BANP: variants seen among roughly 807,000 people sequenced by gnomAD.
BANP encodes BTG3 associated nuclear protein.
A neutral mutation model predicts 68.1 loss-of-function variants in BANP; 11 were observed. The ratio of observed to expected loss-of-function variants is 0.16; its 90% CI spans 0.10 to 0.27. The LOEUF is 0.27. Among genes scored for constraint, BANP ranks in the 10% least tolerant of loss-of-function variants. The pLI is 1.00. For synonymous variants in BANP, 329 were observed against 303.2 expected (o/e 1.09, Z -0.88); for missense variants, 504 against 722.7 (o/e 0.70, Z 3.47).
chr16:88,073,715 G>A (rs1456988444), intron 13 of BANP, among the ~76,000 whole-genome samples: 1 of 152,218 alleles, frequency 6.6e-6, no homozygotes, highest in Non-Finnish European at 1.5e-5. Flanking sequence ...CGCTGCAGGA[G>A]GGCAGTGAGG....
intron 11 of BANP, among the ~76,000 whole-genome samples, chr16:88,048,051 G>T (rs1028127888): frequency 5.9e-5 from 9 of 152,196 alleles, no homozygotes; most frequent in Admixed American, 2.0e-4. Context: ...GAGCACCAAG[G>T]CCTGCTGGGC....
At chr16:88,033,423 A>G (rs1184168811) in intron 9 of BANP, among the ~76,000 whole-genome samples, 178 bp downstream of exon 9, 4 of 152,180 alleles carry the variant, frequency 2.6e-5, no homozygotes, top group Non-Finnish European at 5.9e-5. Flanking sequence ...TTAACATTTC[A>G]CAGGTGGGGG....
At chr16:88,014,342 C>T (rs922113363) in intron 6 of BANP, among the ~76,000 whole-genome samples, 10 of 151,906 alleles carry the variant, frequency 6.6e-5, no homozygotes, top group African/African-American at 2.4e-4. Context: ...AGCGGCTGCC[C>T]CGACACTGCC....
At chr16:88,017,944 C>T (rs1275326922) in intron 6 of BANP, among the ~76,000 whole-genome samples, 8 of 151,962 alleles carry the variant, frequency 5.3e-5, no homozygotes, top group Non-Finnish European at 1.0e-4. Context: ...TGCACGGGGG[C>T]GACGCCAGGC....
chr16:87,997,349 C>G (rs904221838), intron 4 of BANP, among the ~76,000 whole-genome samples: 69 of 152,272 alleles, frequency 4.5e-4, no homozygotes, highest in African/African-American at 1.6e-3. Context: ...GAAATAGGAT[C>G]ATTGCTGTTC....
chr16:87,982,839 T>G (rs573146447), intron 3 of BANP: 167 of 152,256 alleles, frequency 1.1e-3, no homozygotes, highest in African/African-American at 3.8e-3. Flanking sequence ...ACATGATGTA[T>G]GATATCACTG....
chr16:87,967,931 A>G (rs111811842), intron 1 of BANP, among the ~76,000 whole-genome samples: 3,037 of 146,982 alleles, frequency 0.021, 94 homozygotes, highest in African/African-American at 0.071. Context: ...TTTTTTTGGT[A>G]TTTTTAGTAA....
intron 2 of BANP, 184 bp from the exon 3 acceptor site, chr16:87,980,852 G>C: frequency 1.7e-6 from 1 of 572,778 alleles, no homozygotes; most frequent in South Asian, 2.0e-5. Flanking sequence ...GCTTTTCTTG[G>C]GATTAAGGAG....
intron 4 of BANP, among the ~76,000 whole-genome samples, chr16:87,997,297 T>TA (rs1210924910): frequency 6.6e-6 from 1 of 152,226 alleles, no homozygotes; most frequent in Admixed American, 6.5e-5. Context: ...GTAAAACAGT[T>TA]AAAAAACTCA....
At chr16:87,974,353 CTG>C (rs1243632968) in intron 1 of BANP, among the ~76,000 whole-genome samples, 2 of 152,206 alleles carry the variant, frequency 1.3e-5, no homozygotes, top group Non-Finnish European at 2.9e-5. Flanking sequence ...GTTTCAGACA[CTG>C]TGCGAGGCTC....
intron 2 of BANP, among the ~76,000 whole-genome samples, chr16:87,979,970 T>G (rs983110803): frequency 2.0e-5 from 3 of 152,106 alleles, no homozygotes; most frequent in African/African-American, 7.2e-5. Context: ...CGATTAATAT[T>G]AACCCAGAGT....
intron 4 of BANP, among the ~76,000 whole-genome samples, chr16:87,985,704 G>T (rs60714647): frequency 1.3e-5 from 2 of 152,168 alleles, no homozygotes; most frequent in East Asian, 3.9e-4. Context: ...AAAGCCGGAC[G>T]TCCCACCTGG....
intron 11 of BANP, among the ~76,000 whole-genome samples, chr16:88,054,842 A>G (rs1027644801): frequency 6.6e-6 from 1 of 152,236 alleles, no homozygotes; most frequent in African/African-American, 2.4e-5. Context: ...GCTTCAGGAT[A>G]AAGCCTTCAC....
At chr16:88,019,806 G>A (rs1340799104) in intron 7 of BANP, among the ~76,000 whole-genome samples, 3 of 152,162 alleles carry the variant, frequency 2.0e-5, no homozygotes, top group Non-Finnish European at 4.4e-5. Context: ...GTGAGCCTCT[G>A]TCAGGAGCAG....
intron 9 of BANP, among the ~76,000 whole-genome samples, chr16:88,033,590 A>T (rs1189438041): frequency 2.0e-5 from 3 of 152,184 alleles, no homozygotes; most frequent in African/African-American, 7.2e-5. Context: ...AACATCGGAA[A>T]TATTTCTCAG....
intron 11 of BANP, among the ~76,000 whole-genome samples, chr16:88,039,383 G>A (rs1318821264): frequency 7.0e-6 from 1 of 143,646 alleles, no homozygotes; most frequent in Non-Finnish European, 1.6e-5. Flanking sequence ...ACGGTCACGG[G>A]GGCAGCAGAG....
At chr16:88,044,377 C>G (rs1352267111) in intron 11 of BANP, among the ~76,000 whole-genome samples, 1 of 152,258 alleles carries the variant, frequency 6.6e-6, no homozygotes, top group East Asian at 1.9e-4. Context: ...TTCCAGAGCC[C>G]TCCTCCCTCG....
At chr16:87,976,354 C>T (rs537070922) in intron 2 of BANP, among the ~76,000 whole-genome samples, 11 of 152,088 alleles carry the variant, frequency 7.2e-5, no homozygotes, top group African/African-American at 2.7e-4. Context: ...CACATGTCTA[C>T]TTTGAAATCA....
At chr16:88,015,436 C>G (rs1057510806) in intron 6 of BANP, among the ~76,000 whole-genome samples, 9 of 152,236 alleles carry the variant, frequency 5.9e-5, no homozygotes, top group African/African-American at 2.2e-4. Context: ...CTTGGTTCTC[C>G]ACCCTCTCCT....
Sources: gnomAD v4.1 joint callset for allele counts (sites outside exome capture counted in the v4.1 genomes callset) on GRCh38, gnomAD v4.1.1 for gene constraint, MANE v1.5 for transcripts, NCBI Gene and HGNC (gene_info 2026-07-23, HGNC 2026-07-21) for gene names.